LINGO2: variants seen among roughly 807,000 people sequenced by gnomAD.
LINGO2 encodes the protein leucine rich repeat and Ig domain containing 2, also known as leucine-rich repeat and immunoglobulin-like domain-containing nogo receptor-interacting protein 2.
In LINGO2, 14 loss-of-function variants were observed where a neutral mutation model predicts 30.6. The ratio of observed to expected loss-of-function variants is 0.46; its 90% CI spans 0.30 to 0.72. The LOEUF (loss-of-function observed/expected upper bound fraction) is 0.72, where lower values mean the gene tolerates loss of function less well. LINGO2 is among the 30% of genes least tolerant of loss of function. LINGO2 has a pLI of 0.07. For missense variants in LINGO2, 729 were observed against 751.7 expected (o/e 0.97, Z 0.35); for synonymous variants, 317 against 288.5 (o/e 1.10, Z -1.00).
At chr9:29,075,944 T>C in the LINGO2 span, among the ~76,000 whole-genome samples, 3 of 152,102 alleles carry the variant, frequency 2.0e-5, no homozygotes, top group Non-Finnish European at 2.9e-5. Flanking sequence ...CGGAATGCAA[T>C]GGTGCAATCA....
At chr9:27,938,431 G>A in the LINGO2 span, 1 of 152,296 alleles carries the variant, frequency 6.6e-6, no homozygotes, top group East Asian at 1.9e-4. Context: ...CAGCACCCTT[G>A]TGAGGTAGGT....
chr9:28,009,246 C>G (rs1186830629), intron 5 of LINGO2, among the ~76,000 whole-genome samples: 1 of 149,990 alleles, frequency 6.7e-6, no homozygotes, highest in Non-Finnish European at 1.5e-5. Context: ...AAAGTTAACT[C>G]AAAATGAGTC....
chr9:28,169,624 A>G (rs561323776), intron 4 of LINGO2, among the ~76,000 whole-genome samples: 17 of 152,356 alleles, frequency 1.1e-4, no homozygotes, highest in African/African-American at 4.1e-4. Flanking sequence ...CAAAATCAAT[A>G]TCTTCATGGA....
chr9:28,722,796 C>A, the LINGO2 span, among the ~76,000 whole-genome samples: 1 of 152,206 alleles, frequency 6.6e-6, no homozygotes, highest in South Asian at 2.1e-4. Flanking sequence ...GTACGGGGCC[C>A]AATAGGACTT....
the LINGO2 span, among the ~76,000 whole-genome samples, chr9:28,963,291 C>T: frequency 0.09 from 13,626 of 151,744 alleles, 688 homozygotes; most frequent in South Asian, 0.16. Context: ...ACTTAAGTAG[C>T]CATATATAGC....
At chr9:29,153,851 T>G in the LINGO2 span, among the ~76,000 whole-genome samples, 1 of 152,292 alleles carries the variant, frequency 6.6e-6, no homozygotes, top group East Asian at 1.9e-4. Context: ...TCAACGCCCA[T>G]GTAATTCTCA....
intron 1 of LINGO2, among the ~76,000 whole-genome samples, chr9:28,658,282 G>T (rs1165844478): frequency 6.6e-6 from 1 of 151,998 alleles, no homozygotes; most frequent in Non-Finnish European, 1.5e-5. Flanking sequence ...AGTTGTTCAA[G>T]TCCTGTGTTT....
intron 1 of LINGO2, among the ~76,000 whole-genome samples, chr9:28,620,276 G>A (rs1382900421): frequency 6.6e-6 from 1 of 152,090 alleles, no homozygotes; most frequent in Non-Finnish European, 1.5e-5. Context: ...ATTTGTCTAA[G>A]TTTTAGACAA....
At chr9:28,545,241 T>A (rs1821879756) in intron 1 of LINGO2, among the ~76,000 whole-genome samples, 1 of 152,074 alleles carries the variant, frequency 6.6e-6, no homozygotes, top group Non-Finnish European at 1.5e-5. Context: ...TTCATTTATG[T>A]TAGCTTTAAT....
At chr9:28,576,031 C>T (rs1055632710) in intron 1 of LINGO2, among the ~76,000 whole-genome samples, 1 of 151,934 alleles carries the variant, frequency 6.6e-6, no homozygotes. Flanking sequence ...ACTGATAAAT[C>T]GATTGTAAGT....
intron 1 of LINGO2, among the ~76,000 whole-genome samples, chr9:28,566,344 A>G (rs914365779): frequency 6.6e-6 from 1 of 152,180 alleles, no homozygotes; most frequent in Admixed American, 6.5e-5. Flanking sequence ...TGGTGACATA[A>G]TTGTCCCAAG....
chr9:29,192,838 A>T, the LINGO2 span, among the ~76,000 whole-genome samples: 7 of 152,164 alleles, frequency 4.6e-5, no homozygotes, highest in South Asian at 4.1e-4. Flanking sequence ...TGTTCATTTC[A>T]CAAAGGATGT....
At chr9:28,833,371 G>T in the LINGO2 span, among the ~76,000 whole-genome samples, 1 of 152,134 alleles carries the variant, frequency 6.6e-6, no homozygotes, top group South Asian at 2.1e-4. Flanking sequence ...CACTTGGACA[G>T]TCTATAGAAA....
the LINGO2 span, among the ~76,000 whole-genome samples, chr9:29,014,036 T>A: frequency 2.0e-5 from 3 of 152,176 alleles, no homozygotes; most frequent in African/African-American, 7.2e-5. Flanking sequence ...TTCCTTCTCC[T>A]TAATCCCATG....
intron 1 of LINGO2, among the ~76,000 whole-genome samples, chr9:28,504,348 T>C (rs997379383): frequency 2.0e-5 from 3 of 151,854 alleles, no homozygotes; most frequent in African/African-American, 7.2e-5. Context: ...ATATTAAAAA[T>C]ATAGTAACAT....
chr9:28,377,937 A>C (rs1453561692), intron 2 of LINGO2, among the ~76,000 whole-genome samples: 1 of 152,214 alleles, frequency 6.6e-6, no homozygotes, highest in African/African-American at 2.4e-5. Context: ...TGCAGTTGTG[A>C]GAAAATCCAG....
intron 4 of LINGO2, among the ~76,000 whole-genome samples, chr9:28,187,286 T>C (rs578003000): frequency 6.6e-6 from 1 of 151,614 alleles, no homozygotes; most frequent in Non-Finnish European, 1.5e-5. Flanking sequence ...AGGTCAGGAG[T>C]TCGAGTCCAG....
At chr9:28,200,608 C>T (rs556902212) in intron 4 of LINGO2, among the ~76,000 whole-genome samples, 5 of 152,244 alleles carry the variant, frequency 3.3e-5, no homozygotes, top group East Asian at 1.9e-4. Context: ...GTATGACTCT[C>T]ATTATGGAAG....
intron 4 of LINGO2, among the ~76,000 whole-genome samples, chr9:28,291,457 T>C (rs1823725895): frequency 6.6e-6 from 1 of 152,154 alleles, no homozygotes; most frequent in African/African-American, 2.4e-5. Flanking sequence ...ACAGGGATAA[T>C]GCAATGAACA....
Sources: allele counts gnomAD v4.1 joint callset (sites outside exome capture counted in the v4.1 genomes callset), GRCh38; gene constraint gnomAD v4.1.1; transcripts MANE v1.5; gene names NCBI Gene and HGNC (gene_info 2026-07-23, HGNC 2026-07-21).